The following SLC12A2 variants were observed in gnomAD, a reference collection of about 807,000 sequenced individuals.
The protein encoded by SLC12A2 is Na-K-2Cl cotransporter 1.
In SLC12A2, 67 loss-of-function variants were observed where a neutral mutation model predicts 136.3. That is an observed-to-expected ratio of 0.49 (90% CI 0.40 to 0.60). The LOEUF is 0.60. SLC12A2 is among the 20% of genes least tolerant of loss of function. The probability of loss-of-function intolerance (pLI) is 0.00; values close to 1 mark genes in which losing one functional copy is unlikely to be tolerated. For synonymous variants in SLC12A2, 619 were observed against 562.9 expected (o/e 1.10, Z -1.41); for missense variants, 1,322 against 1,534.7 (o/e 0.86, Z 2.32).
At chr5:128,174,857 G>C (rs1277857732) in intron 20 of SLC12A2, among the ~76,000 whole-genome samples, 191 bp downstream of exon 20, 1 of 152,018 alleles carries the variant, frequency 6.6e-6, no homozygotes, top group African/African-American at 2.4e-5. Flanking sequence ...AGGTATTAGA[G>C]TAGATCATCA....
Position 128,151,297 on chromosome 5 carries a change from C to A in SLC12A2, c.2164C>A (p.Leu722Ile). ...GTGGATATCACTTCTTGGAGCAATTCTTTGTTGCATAGTAATGTTCGTCAT... is the reference window on the plus strand; with the variant it reads ...GTGGATATCACTTCTTGGAGCAATTATTTGTTGCATAGTAATGTTCGTCAT... ...NMWISLLGAI[L>I]CCIVMFVINW... The change falls in exon 14 of 27, where the codon CTT (leucine) becomes ATT (isoleucine). Residue 722 changes from leucine to isoleucine, a missense_variant. Leu to Ile is a conservative substitution (Grantham distance 5). Coordinates refer to ENST00000262461, the MANE Select transcript of SLC12A2 (RefSeq NM_001046.3). The A allele has an allele frequency of 6.2e-7, 1 of 1,612,316 alleles. No homozygotes were observed. Among genetic ancestry groups the A allele is most frequent in the Non-Finnish European group, 8.5e-7 (1 of 1,179,146 alleles).
At position 128,184,376 on chromosome 5, in the gene SLC12A2, T is replaced by C; in HGVS notation, c.3310T>C (p.Phe1104Leu). The change falls in exon 25 of 27, where the codon TTT becomes CTT. Residue 1104 changes from phenylalanine (F) to leucine (L), a missense_variant. This residue lies in a region of SLC12A2 where 172 missense variants were observed against 227.4 expected (regional missense o/e 0.76). Coordinates refer to ENST00000262461, the MANE Select transcript of SLC12A2 (RefSeq NM_001046.3). Reference sequence around the variant, plus strand: ...TTCTGTTTTTTAAAGTATTATAGCTTTTGAGGAAATCATTGAGCCATACAG... The same window carrying C: ...TTCTGTTTTTTAAAGTATTATAGCTCTTGAGGAAATCATTGAGCCATACAG... The part of the protein sequence containing the change: ...TKPKKENIIA[F>L]EEIIEPYRLH... The C allele has an allele frequency of 1.3e-6, 2 of 1,548,266 alleles. No individual in the cohort carries two copies. The highest frequency in any genetic ancestry group is 1.7e-4 in the Middle Eastern group (1 of 5,810).
At chr5:128,110,865 T>G (rs1761117482) in intron 1 of SLC12A2, 2 of 1,386,384 alleles carry the variant, frequency 1.4e-6, no homozygotes, top group African/African-American at 1.4e-5. Flanking sequence ...ATTTCAAACT[T>G]TTCCAGGAAT....
chr5:128,146,582 G>T (rs1762532302), intron 10 of SLC12A2, among the ~76,000 whole-genome samples: 1 of 149,600 alleles, frequency 6.7e-6, no homozygotes, highest in Non-Finnish European at 1.5e-5. Context: ...GTTTGAACAT[G>T]TACACAGAGA....
intron 7 of SLC12A2, among the ~76,000 whole-genome samples, chr5:128,136,607 G>A (rs1275019974): frequency 2.6e-5 from 4 of 151,944 alleles, no homozygotes; most frequent in Admixed American, 2.6e-4. Context: ...TGAATTTTTT[G>A]TCCTCTGCTT....
At position 128,134,204 on chromosome 5, in the gene SLC12A2, C is replaced by T; in HGVS notation, c.1228C>T (p.Arg410Ter). The T allele has an allele frequency of 6.2e-7, 1 of 1,604,124 alleles. No homozygotes were observed. Among genetic ancestry groups the T allele is most frequent in the Non-Finnish European group, 8.5e-7 (1 of 1,171,760 alleles). ...TATGATAGATGAAATCAATGATATC[C>T]GAATTATTGGAGCCATTACAGTCGT... ...ILMIDEINDIRIIGAITVVIL... is the reference protein window; with the variant it reads ...ILMIDEINDI Residue 410 changes from arginine to a stop codon, truncating the protein, a stop_gained, in exon 6 of 27, where the codon CGA (arginine) becomes TGA (stop). Transcript: ENST00000262461. LOFTEE classifies it high-confidence loss of function.
At position 128,100,875 on chromosome 5, in the gene SLC12A2, A is replaced by T. The variant is rs1760719423; in HGVS notation, c.757-11939A>T. On this transcript the variant is annotated intron_variant, in intron 1 of 26. Coordinates refer to ENST00000262461, the MANE Select transcript of SLC12A2 (RefSeq NM_001046.3). The stretch of plus-strand genomic sequence containing the variant: ...TATTGACATTAGCAAGTTGTGTGGG[A>T]TTTGAAGCAATGCTATTTCTAATGC... 3.3e-5 allele frequency among the ~76,000 whole-genome samples: 5 copies of T among 152,160 alleles called. No individual in the cohort carries two copies. In the South Asian group the frequency reaches 1.0e-3, roughly 31 times the overall value.
chr5:128,101,625 TATTTA>T (rs1760743871), intron 1 of SLC12A2, among the ~76,000 whole-genome samples: 1 of 152,218 alleles, frequency 6.6e-6, no homozygotes, highest in African/African-American at 2.4e-5. Flanking sequence ...CATTAACCAT[TATTTA>T]ATTTGCTGAA....
In SLC12A2 at chr5:128,178,803, C is replaced by G. The variant is rs1763612758; in HGVS notation, c.3100+114C>G. On this transcript the variant is annotated intron_variant, in intron 22 of 26. Transcript: ENST00000262461. The stretch of plus-strand genomic sequence containing the variant: ...CCCATTCAAATTTTGCCAGCATTCC[C>G]AAAAGCAAAAGGATTAATTTCAGAA... 4.7e-6 allele frequency: 3 copies of G among 639,488 alleles called. No individual in the cohort carries two copies. In the East Asian group the frequency reaches 9.9e-5, roughly 21 times the overall value. The allele number at this position is 639,488 out of a possible 1,614,324, so 39.6% of individuals were successfully genotyped here. A position where few individuals can be genotyped will look rare whatever the true frequency, so the allele number is the denominator to read the frequency against.
At chr5:128,133,912 T>C (rs1253386823) in intron 5 of SLC12A2, among the ~76,000 whole-genome samples, 1 of 152,092 alleles carries the variant, frequency 6.6e-6, no homozygotes, top group African/African-American at 2.4e-5. Context: ...ATTCCTTTTT[T>C]GATTTATTGA....
chr5:128,151,413 G>A lies in SLC12A2; in HGVS notation c.2263+17G>A, dbSNP rs371533235. On this transcript the variant is annotated intron_variant, in intron 14 of 26. Transcript: ENST00000262461. ...AAAAACCAGGTCAGTAGCCTTTTTT[G>A]TTTATATCCCAAGCTAGAAAACATC... The A allele has an allele frequency of 5.1e-5, 81 of 1,599,104 alleles. No individual in the cohort carries two copies. The African/African-American group carries it at 1.0e-3, about 20-fold the overall frequency.
chr5:128,119,481 C>T (rs941185108), intron 4 of SLC12A2, among the ~76,000 whole-genome samples: 1 of 152,130 alleles, frequency 6.6e-6, no homozygotes, highest in Non-Finnish European at 1.5e-5. Context: ...AATAGGGAAT[C>T]CTTTCCCCAT....
chr5:128,107,167 G>T (rs867542144), intron 1 of SLC12A2, among the ~76,000 whole-genome samples: 1 of 152,100 alleles, frequency 6.6e-6, no homozygotes, highest in Admixed American at 6.5e-5. Context: ...ATTTGGGATT[G>T]TCCCTGACTC....
chr5:128,154,791 C>T (rs562565874), intron 15 of SLC12A2, among the ~76,000 whole-genome samples: 3 of 152,256 alleles, frequency 2.0e-5, no homozygotes, highest in South Asian at 4.1e-4. Context: ...TTGCACATTA[C>T]GGCTGTAACT....
intron 17 of SLC12A2, 145 bp downstream of exon 17, chr5:128,161,945 C>T (rs1164222170): frequency 1.3e-5 from 6 of 479,028 alleles, no homozygotes; most frequent in East Asian, 3.7e-5. Context: ...TACTTTGGCT[C>T]ACCTGGCTAG....
intron 1 of SLC12A2, chr5:128,109,834 T>C (rs758923622): frequency 3.8e-6 from 3 of 789,002 alleles, no homozygotes; most frequent in East Asian, 4.9e-5. Flanking sequence ...AATTCCAAGG[T>C]CAAGATGTGG....
chr5:128,118,247 A>G (rs901414867), intron 4 of SLC12A2, among the ~76,000 whole-genome samples: 1 of 152,210 alleles, frequency 6.6e-6, no homozygotes, highest in Non-Finnish European at 1.5e-5. Flanking sequence ...ATAAGTCATT[A>G]TATGAAAAAG....
In SLC12A2 at chr5:128,182,957, A is replaced by C; in HGVS notation, c.3299+16A>C. ...AGAAAGAAAAGTAAGTTACTCTACAAATTTCTGATCCCTTTATAGATGGCC... is the reference window on the plus strand; with the variant it reads ...AGAAAGAAAAGTAAGTTACTCTACACATTTCTGATCCCTTTATAGATGGCC... On this transcript the variant is annotated intron_variant, in intron 24 of 26. Transcript: ENST00000262461. The C allele has an allele frequency of 2.0e-6, 3 of 1,526,232 alleles. No individual in the cohort carries two copies. In the South Asian group the frequency reaches 3.5e-5, roughly 18 times the overall value. 94.5% of individuals were successfully genotyped at this position (1,526,232 alleles called of 1,614,324 possible).
At chr5:128,179,130 A>G (rs916173509) in intron 22 of SLC12A2, among the ~76,000 whole-genome samples, 2 of 152,230 alleles carry the variant, frequency 1.3e-5, no homozygotes, top group African/African-American at 4.8e-5. Context: ...GATTTTCACC[A>G]CATGTATTCA....
Sources: gnomAD v4.1 joint callset for allele counts (sites outside exome capture counted in the v4.1 genomes callset) on GRCh38, gnomAD v4.1.1 for gene constraint, gnomAD v4.1.1 regional missense constraint, MANE v1.5 for transcripts, NCBI Gene and HGNC (gene_info 2026-07-23, HGNC 2026-07-21) for gene names.